Variants in TAFA5 observed in about 807,000 individuals in gnomAD.
TAFA5 encodes the protein TAFA chemokine like family member 5.
In TAFA5, 6 loss-of-function variants were observed where a neutral mutation model predicts 15.3. That is an observed-to-expected ratio of 0.39 (90% CI 0.21 to 0.77). The LOEUF (loss-of-function observed/expected upper bound fraction) is 0.77. Ranked by LOEUF, TAFA5 falls within the 30% of genes least tolerant of loss-of-function variation. The probability of loss-of-function intolerance (pLI) is 0.41; values close to 1 mark genes in which losing one functional copy is unlikely to be tolerated. For synonymous variants in TAFA5, 103 were observed against 80.7 expected, an observed-to-expected ratio of 1.28 and a Z score of -1.48; for missense variants, 161 against 193.1, an observed-to-expected ratio of 0.83 and a Z score of 0.98.
At chr22:48,532,414 C>T (rs139963976) in intron 1 of TAFA5, among the ~76,000 whole-genome samples, 138 of 152,352 alleles carry the variant, frequency 9.1e-4, no homozygotes, top group African/African-American at 3.2e-3. Context: ...GAGACCATTT[C>T]CCTCCTGCTC....
rs1216516075 is a variant in TAFA5 at position 48,489,883 on chromosome 22, C to T, written c.112+179C>T. 6.6e-6 allele frequency among the ~76,000 whole-genome samples: 1 copy of T among 151,786 alleles called. No homozygotes were observed. Among genetic ancestry groups the T allele is most frequent in the African/African-American group, 2.4e-5 (1 of 41,386 alleles). ...CGCTGGGCGGGCGAGAGGGTCCACCCGGGTTCCGGGCGCTCGAGCACTTCG... is the reference window on the plus strand; with the variant it reads ...CGCTGGGCGGGCGAGAGGGTCCACCTGGGTTCCGGGCGCTCGAGCACTTCG... On this transcript the variant is annotated intron_variant, in intron 1 of 3. Coordinates refer to ENST00000402357, the MANE Select transcript of TAFA5 (RefSeq NM_001082967.3). The surrounding 1 kb of genome is among the most constrained non-coding windows in gnomAD (Gnocchi z 5.5).
In TAFA5 at chr22:48,635,841, CATT is replaced by C. The variant is rs1435776581; in HGVS notation, c.113-10755_113-10753del. ...GTCCTGGGGGCTGAGCAGCCCCAGT[CATT>C]GTTGTAATCGCAGCCATTGTTGCTT... On this transcript the variant is annotated intron_variant, in intron 1 of 3. Transcript: ENST00000402357. Among the ~76,000 whole-genome samples the C allele has an allele frequency of 5.3e-5, 8 of 152,366 alleles. No homozygotes were observed. The South Asian group carries it at 1.4e-3, about 28-fold the overall frequency.
At chr22:48,613,822 A>C (rs1333887743) in intron 1 of TAFA5, among the ~76,000 whole-genome samples, 2 of 152,042 alleles carry the variant, frequency 1.3e-5, no homozygotes, top group Non-Finnish European at 2.9e-5. Flanking sequence ...GGCCCCCTCG[A>C]GCTCCTGGTG....
At chr22:48,722,443 A>G (rs1306730725) in intron 3 of TAFA5, among the ~76,000 whole-genome samples, 1 of 152,232 alleles carries the variant, frequency 6.6e-6, no homozygotes, top group African/African-American at 2.4e-5. Context: ...ATTCTCAGCA[A>G]ACTAACAACA....
intron 3 of TAFA5, among the ~76,000 whole-genome samples, chr22:48,730,405 A>G (rs1016701722): frequency 1.3e-5 from 2 of 152,048 alleles, no homozygotes; most frequent in Admixed American, 6.5e-5. Flanking sequence ...AGAAAGAAAG[A>G]AAAGGCCACA....
chr22:48,627,613 G>T (rs531435305), intron 1 of TAFA5, among the ~76,000 whole-genome samples: 1 of 152,258 alleles, frequency 6.6e-6, no homozygotes, highest in Admixed American at 6.5e-5. Context: ...TAGCAGGATG[G>T]AAACTGCAGC....
intron 2 of TAFA5, among the ~76,000 whole-genome samples, chr22:48,684,964 G>C (rs1928309373): frequency 6.6e-6 from 1 of 152,226 alleles, no homozygotes; most frequent in African/African-American, 2.4e-5. Context: ...ATGGCCTTGG[G>C]TGATAGTCTC....
chr22:48,621,244 A>G, intron 1 of TAFA5, among the ~76,000 whole-genome samples: 1 of 128,752 alleles, frequency 7.8e-6, no homozygotes, highest in East Asian at 2.5e-4. Context: ...AATTCTATCC[A>G]TCTACCCATC....
intron 1 of TAFA5, among the ~76,000 whole-genome samples, chr22:48,580,003 C>T (rs190098473): frequency 6.6e-5 from 10 of 152,278 alleles, no homozygotes; most frequent in Admixed American, 2.0e-4. Flanking sequence ...ACGGCTTGAA[C>T]GTGCTGTGCA....
intron 2 of TAFA5, among the ~76,000 whole-genome samples, chr22:48,666,915 G>A (rs1160530344): frequency 6.6e-6 from 1 of 152,108 alleles, no homozygotes; most frequent in Non-Finnish European, 1.5e-5. Flanking sequence ...CTGAGTGGTT[G>A]GAGGGAGGAG....
chr22:48,611,872 C>T (rs1216305468), intron 1 of TAFA5, among the ~76,000 whole-genome samples: 1 of 152,198 alleles, frequency 6.6e-6, no homozygotes, highest in Non-Finnish European at 1.5e-5. Context: ...ATGTGCGGCC[C>T]TGAGGGCTGC....
Position 48,673,728 on chromosome 22 carries a change from G to A in TAFA5, c.262+26982G>A, listed in dbSNP as rs148175079. Among the ~76,000 whole-genome samples the A allele has an allele frequency of 1.3e-3, 193 of 152,344 alleles. 2 individuals are homozygous for A. Among genetic ancestry groups the A allele is most frequent in the African/African-American group, 4.3e-3 (179 of 41,578 alleles). On this transcript the variant is annotated intron_variant, in intron 2 of 3. Transcript: ENST00000402357. ...CCCCGGGTATGTAGGAGGTGAGGGA[G>A]GGTGGAAGGTGAAGGTGCATGGGGC...
chr22:48,654,852 G>C (rs924532261), intron 2 of TAFA5, among the ~76,000 whole-genome samples: 2 of 152,100 alleles, frequency 1.3e-5, no homozygotes, highest in African/African-American at 4.8e-5. Flanking sequence ...CAGATGTGGG[G>C]AGAGCAGGGG....
chr22:48,661,443 C>T (rs1927436786), intron 2 of TAFA5, among the ~76,000 whole-genome samples: 1 of 152,220 alleles, frequency 6.6e-6, no homozygotes, highest in Non-Finnish European at 1.5e-5. Flanking sequence ...TTCCTCCTGA[C>T]CATGCATGAT....
chr22:48,650,866 C>T (rs1569064306), intron 2 of TAFA5, among the ~76,000 whole-genome samples: 1 of 152,190 alleles, frequency 6.6e-6, no homozygotes, highest in Non-Finnish European at 1.5e-5. Context: ...GGCGGGCTGG[C>T]CAGGCCCTGC....
chr22:48,507,534 G>C (rs1467252238), intron 1 of TAFA5, among the ~76,000 whole-genome samples: 1 of 152,220 alleles, frequency 6.6e-6, no homozygotes, highest in Non-Finnish European at 1.5e-5. Context: ...TGTGCTCAGT[G>C]GTTTGCCAGC....
chr22:48,558,936 C>G (rs1923132635), intron 1 of TAFA5, among the ~76,000 whole-genome samples: 1 of 152,206 alleles, frequency 6.6e-6, no homozygotes, highest in Non-Finnish European at 1.5e-5. Flanking sequence ...TAAGCAGGTG[C>G]CAGGCCTGAA....
In TAFA5 at chr22:48,490,189, C is replaced by G. The variant is rs2147089498; in HGVS notation, c.112+485C>G. ...TTCAGGCAGGAGCCCAGCCTGGGCTCGGAGGAGCAGCTGGAGCTTCCGCTT... is the reference window on the plus strand; with the variant it reads ...TTCAGGCAGGAGCCCAGCCTGGGCTGGGAGGAGCAGCTGGAGCTTCCGCTT... On this transcript the variant is annotated intron_variant, in intron 1 of 3. Transcript: ENST00000402357. The surrounding 1 kb of genome is among the most constrained non-coding windows in gnomAD (Gnocchi z 5.8). Among the ~76,000 whole-genome samples, 1 of 152,214 alleles carries G rather than the reference C, an allele frequency of 6.6e-6. No homozygotes were observed. Among genetic ancestry groups the G allele is most frequent in the South Asian group, 2.1e-4 (1 of 4,826 alleles).
intron 2 of TAFA5, among the ~76,000 whole-genome samples, chr22:48,697,405 ATGG>A (rs966766682): frequency 6.6e-6 from 1 of 151,890 alleles, no homozygotes; most frequent in African/African-American, 2.4e-5. Context: ...GATTAGGGTG[ATGG>A]TGATGATGAC....
Sources: gnomAD v4.1 joint callset for allele counts (sites outside exome capture counted in the v4.1 genomes callset) on GRCh38, gnomAD v4.1.1 for gene constraint, Gnocchi (gnomAD v3.1) non-coding constraint, MANE v1.5 for transcripts, NCBI Gene and HGNC (gene_info 2026-07-23, HGNC 2026-07-21) for gene names.